Variants in SCYL2 observed in about 807,000 individuals in gnomAD.
SCYL2 encodes the protein SCY1 like pseudokinase 2, also known as SCY1-like protein 2.
In SCYL2, 36 loss-of-function variants were observed where a neutral mutation model predicts 100.4. That is an observed-to-expected ratio of 0.36 (90% CI 0.27 to 0.47). The LOEUF (loss-of-function observed/expected upper bound fraction) is 0.47, where lower values mean the gene tolerates loss of function less well. Ranked by LOEUF, SCYL2 falls within the 20% of genes least tolerant of loss-of-function variation. SCYL2 has a pLI of 1.00. For missense variants in SCYL2, 902 were observed against 1,083.9 expected, an observed-to-expected ratio of 0.83 and a Z score of 2.36; for synonymous variants, 330 against 359.2, an observed-to-expected ratio of 0.92 and a Z score of 0.92.
rs1451664659 is a variant in SCYL2, at chr12:100,339,250, T to G, written c.*78T>G. 6 of 1,379,970 alleles carry G rather than the reference T, an allele frequency of 4.3e-6. No homozygotes were observed. In the Admixed American group the frequency reaches 1.2e-4, roughly 28 times the overall value. The allele number at this position is 1,379,970 out of a possible 1,614,324, so 85.5% of individuals were successfully genotyped here. ...TGATTTACATCTTTATATAGTTGGCTTGGAGGAAGTACTTCTATGGGAAAG... is the reference window on the plus strand; with the variant it reads ...TGATTTACATCTTTATATAGTTGGCGTGGAGGAAGTACTTCTATGGGAAAG... On this transcript the variant is annotated 3_prime_UTR_variant, in exon 18 of 18. Coordinates refer to ENST00000360820, the MANE Select transcript of SCYL2 (RefSeq NM_017988.6).
At chr12:100,312,162 A>C in intron 5 of SCYL2, among the ~76,000 whole-genome samples, 1 of 152,250 alleles carries the variant, frequency 6.6e-6, no homozygotes. Flanking sequence ...ATCATAAAAC[A>C]TGAGCCAGAC....
chr12:100,281,131 C>T (rs188725672), intron 1 of SCYL2, among the ~76,000 whole-genome samples: 128 of 141,958 alleles, frequency 9.0e-4, no homozygotes, highest in Admixed American at 1.4e-3. Flanking sequence ...CGGGCTCAAA[C>T]GATCCTTCCA....
At chr12:100,293,191 G>T (rs962263685) in intron 3 of SCYL2, among the ~76,000 whole-genome samples, 2 of 150,918 alleles carry the variant, frequency 1.3e-5, no homozygotes, top group East Asian at 3.9e-4. Flanking sequence ...TCCCGAGCTT[G>T]TGTGATCCTC....
rs1022313203 is a variant in SCYL2, at chr12:100,312,576, G to A, written c.775G>A (p.Val259Ile). The A allele has an allele frequency of 6.8e-6, 11 of 1,612,870 alleles. No homozygotes were observed. Among genetic ancestry groups the A allele is most frequent in the Non-Finnish European group, 9.3e-6 (11 of 1,179,102 alleles). The change falls in exon 6 of 18, where the codon GTA (valine) becomes ATA (isoleucine). Residue 259 changes from valine to isoleucine, a missense_variant. Physicochemically the swap from Val to Ile is conservative, Grantham distance 29. Transcript: ENST00000360820. ...MYSLGTVMYA[V>I]FNKGKPIFEV... ...TTCTTTAGGAACTGTTATGTATGCT[G>A]TATTTAATAAAGGGAAACCTATATT...
chr12:100,276,331 C>A (rs972973485), intron 1 of SCYL2, among the ~76,000 whole-genome samples: 8 of 151,798 alleles, frequency 5.3e-5, no homozygotes, highest in South Asian at 2.1e-4. Flanking sequence ...TATTTTCTTT[C>A]TTTTTATTTT....
chr12:100,313,428 C>A lies in SCYL2; in HGVS notation c.859C>A (p.Arg287Ser). 5 of 1,503,868 alleles carry A rather than the reference C, an allele frequency of 3.3e-6. No homozygotes were observed. The South Asian group carries it at 5.8e-5, about 17-fold the overall frequency. 93.2% of individuals were successfully genotyped at this position (1,503,868 alleles called of 1,614,324 possible). ...TTATCACTCTTTTGAATAGTTGAGT[C>A]GTTTAGGATCTAGTTCACTTACAAA... Reference protein sequence around the residue: ...SFSRQLDQLSRLGSSSLTNIP... With the variant: ...SFSRQLDQLSSLGSSSLTNIP... The change falls in exon 7 of 18, where the codon CGT (arginine) becomes AGT (serine). Residue 287 changes from arginine to serine, a missense_variant. Physicochemically the swap from Arg to Ser is moderately radical, Grantham distance 110. Transcript: ENST00000360820.
rs922319995 is a variant in SCYL2 at position 100,315,457 on chromosome 12, G to A, written c.1096-101G>A. On this transcript the variant is annotated intron_variant, in intron 8 of 17. Transcript: ENST00000360820. ...TTTCAACCATAAATTGTATCGTCAC[G>A]TTACCTAAAGGGATTAGAGGTTTTA... 16 of 901,314 alleles carry A rather than the reference G, an allele frequency of 1.8e-5. 1 individual carries two copies. The highest frequency in any genetic ancestry group is 1.5e-4 in the African/African-American group (9 of 58,878). The allele number at this position is 901,314 out of a possible 1,614,324, so 55.8% of individuals were successfully genotyped here.
At chr12:100,277,211 T>G (rs145002018) in intron 1 of SCYL2, among the ~76,000 whole-genome samples, 2 of 152,336 alleles carry the variant, frequency 1.3e-5, no homozygotes, top group Non-Finnish European at 2.9e-5. Context: ...CCATTTTTAG[T>G]GAATGTTACA....
intron 3 of SCYL2, 55 bp from the exon 4 acceptor site, chr12:100,297,976 A>G: frequency 7.5e-7 from 1 of 1,336,184 alleles, no homozygotes; most frequent in Admixed American, 2.2e-5. Flanking sequence ...TGTATATTTG[A>G]TTTTGATAAT....
intron 12 of SCYL2, 116 bp downstream of exon 12, chr12:100,326,870 T>C (rs1566369333): frequency 3.7e-6 from 3 of 803,246 alleles, no homozygotes; most frequent in Non-Finnish European, 3.8e-6. Context: ...TGAAGAATGA[T>C]GTGATAAATA....
At chr12:100,317,771 G>A in intron 9 of SCYL2, 32 bp from the exon 10 acceptor site, 1 of 1,570,480 alleles carries the variant, frequency 6.4e-7, no homozygotes. Flanking sequence ...AAGATTCCAG[G>A]TTTTAATACA....
rs1289537866 is a variant in SCYL2 at position 100,267,245 on chromosome 12, C to G, written c.-576C>G. The stretch of plus-strand genomic sequence containing the variant: ...CTCCCCACCCCTTTCCTTCTAGCTC[C>G]GACGTTTGCGGCCGCGGGGGCGGCG... On this transcript the variant is annotated 5_prime_UTR_variant, in exon 1 of 18. Transcript: ENST00000360820. 7 of 686,926 alleles carry G rather than the reference C, an allele frequency of 1.0e-5. No individual in the cohort carries two copies. Among genetic ancestry groups the G allele is most frequent in the Admixed American group, 3.1e-5 (1 of 32,394 alleles). 42.6% of individuals were successfully genotyped at this position (686,926 alleles called of 1,614,324 possible). A position where few individuals can be genotyped will look rare whatever the true frequency, so the allele number is the denominator to read the frequency against.
rs2096350504 is a variant in SCYL2, at chr12:100,317,635, A to C, written c.1273-168A>C. On this transcript the variant is annotated intron_variant, in intron 9 of 17. Coordinates refer to ENST00000360820, the MANE Select transcript of SCYL2 (RefSeq NM_017988.6). ...AGATGTTAAATATTGTGCCTCCAGA[A>C]ATGTAAGAGACTTGATTTGTGTGTT... 9 of 1,393,274 alleles carry C rather than the reference A, an allele frequency of 6.5e-6. No individual in the cohort carries two copies. The South Asian group carries it at 1.5e-4, about 23-fold the overall frequency. 86.3% of individuals were successfully genotyped at this position (1,393,274 alleles called of 1,614,324 possible). A position where few individuals can be genotyped will look rare whatever the true frequency, so the allele number is the denominator to read the frequency against.
At chr12:100,299,607 G>A (rs2096325180) in intron 4 of SCYL2, among the ~76,000 whole-genome samples, 1 of 152,050 alleles carries the variant, frequency 6.6e-6, no homozygotes, top group South Asian at 2.1e-4. Flanking sequence ...AATTTTATAA[G>A]TGGAATCATA....
chr12:100,293,907 A>G (rs1350931424), intron 3 of SCYL2, among the ~76,000 whole-genome samples: 1 of 151,998 alleles, frequency 6.6e-6, no homozygotes, highest in East Asian at 1.9e-4. Context: ...GAACAAAATG[A>G]AAAGTCTCCC....
At chr12:100,338,287 T>C (rs1952305464) in intron 17 of SCYL2, among the ~76,000 whole-genome samples, 3 of 152,192 alleles carry the variant, frequency 2.0e-5, no homozygotes, top group African/African-American at 7.2e-5. Context: ...AATATTTTGC[T>C]TAATTGGAGT....
In SCYL2 at chr12:100,320,549, AAAATAAATAAATAAATAAAT is replaced by A. The variant is rs10644195; in HGVS notation, c.1395+2652_1395+2671del. Among the ~76,000 whole-genome samples the A allele has an allele frequency of 4.1e-3, 575 of 139,808 alleles. 5 individuals carry two copies. Among genetic ancestry groups the A allele is most frequent in the African/African-American group, 0.014 (505 of 37,366 alleles). The allele number at this position is 139,808 out of a possible 152,430, so 91.7% of individuals were successfully genotyped here. On this transcript the variant is annotated intron_variant, in intron 10 of 17. Transcript: ENST00000360820. ...GGCGACAGAGTGAGACTCCGTCTCA[AAAATAAATAAATAAATAAAT>A]AAATAAATAAATAAATAAATAAATA...
chr12:100,314,888 G>A (rs2096346606), intron 8 of SCYL2, among the ~76,000 whole-genome samples: 1 of 152,182 alleles, frequency 6.6e-6, no homozygotes, highest in Non-Finnish European at 1.5e-5. Flanking sequence ...CTATCATGTG[G>A]AGTTCATTGT....
intron 1 of SCYL2, 31 bp from the exon 2 acceptor site, chr12:100,282,912 T>A: frequency 9.5e-7 from 1 of 1,050,624 alleles, no homozygotes. Context: ...TAAGAAATGA[T>A]CAGTTCTCCA....
Sources: gnomAD v4.1 joint callset for allele counts (sites outside exome capture counted in the v4.1 genomes callset) on GRCh38, gnomAD v4.1.1 for gene constraint, MANE v1.5 for transcripts, NCBI Gene and HGNC (gene_info 2026-07-23, HGNC 2026-07-21) for gene names.